Variants in BRAF observed in about 807,000 individuals in gnomAD.
The protein encoded by BRAF is B-Raf proto-oncogene, serine/threonine kinase.
A neutral mutation model predicts 104.6 loss-of-function variants in BRAF; 16 were observed. The observed-to-expected ratio is 0.15, with a 90% CI of 0.10 to 0.23. The LOEUF (loss-of-function observed/expected upper bound fraction) is 0.23, where lower values mean the gene tolerates loss of function less well. BRAF is among the 10% of genes least tolerant of loss of function. BRAF has a pLI of 1.00. For synonymous variants in BRAF, 310 were observed against 341.6 expected, an observed-to-expected ratio of 0.91 and a Z score of 1.02; for missense variants, 541 against 937.3, an observed-to-expected ratio of 0.58 and a Z score of 5.52.
intron 10 of BRAF, chr7:140,785,623 A>C: frequency 2.5e-6 from 1 of 398,172 alleles, no homozygotes; most frequent in Non-Finnish European, 4.4e-6. Flanking sequence ...GGTGAGGCAC[A>C]AACAGCATCT....
At chr7:140,913,761 C>T (rs1329072305) in intron 1 of BRAF, among the ~76,000 whole-genome samples, 1 of 152,006 alleles carries the variant, frequency 6.6e-6, no homozygotes, top group Non-Finnish European at 1.5e-5. Context: ...GGATTACAGG[C>T]GTGAGCCACT....
At chr7:140,861,017 C>A (rs1447147051) in intron 1 of BRAF, among the ~76,000 whole-genome samples, 1 of 152,134 alleles carries the variant, frequency 6.6e-6, no homozygotes, top group East Asian at 1.9e-4. Flanking sequence ...TATTTATCAA[C>A]ATGAATACAT....
At chr7:140,911,265 A>G (rs753558363) in intron 1 of BRAF, among the ~76,000 whole-genome samples, 21 of 152,230 alleles carry the variant, frequency 1.4e-4, no homozygotes, top group Admixed American at 1.0e-3. Flanking sequence ...TTATTTTTAA[A>G]TTAATTAAAA....
intron 14 of BRAF, among the ~76,000 whole-genome samples, chr7:140,774,466 T>A (rs1042181849): frequency 6.6e-6 from 1 of 152,214 alleles, no homozygotes; most frequent in Non-Finnish European, 1.5e-5. Flanking sequence ...CTTGTCTTAA[T>A]CCACCCACCT....
chr7:140,830,573 T>C (rs1806614917), intron 3 of BRAF, among the ~76,000 whole-genome samples: 1 of 152,166 alleles, frequency 6.6e-6, no homozygotes. Context: ...AAGGTGAGTT[T>C]TGGTGGGTTC....
chr7:140,851,871 C>G (rs2129074780), intron 1 of BRAF, among the ~76,000 whole-genome samples: 1 of 152,328 alleles, frequency 6.6e-6, no homozygotes, highest in Non-Finnish European at 1.5e-5. Context: ...ATTCCCTATA[C>G]TGCACTCCCT....
At chr7:140,714,540 G>A (rs1305010585), downstream of BRAF, among the ~76,000 whole-genome samples, 3 of 152,142 alleles carry the variant, frequency 2.0e-5, no homozygotes, top group African/African-American at 7.2e-5. Context: ...GCTAATGTGT[G>A]TGTGTGTTGA....
intron 17 of BRAF, among the ~76,000 whole-genome samples, chr7:140,744,833 C>G (rs1002141156): frequency 6.6e-6 from 1 of 152,090 alleles, no homozygotes; most frequent in Non-Finnish European, 1.5e-5. Context: ...TTATATGCTA[C>G]TTTCATCAGT....
chr7:140,843,100 ACT>A (rs1200447247), intron 2 of BRAF, among the ~76,000 whole-genome samples: 3 of 152,220 alleles, frequency 2.0e-5, no homozygotes, highest in Admixed American at 6.5e-5. Context: ...AAAACTGAAC[ACT>A]GGAAATTTTT....
chr7:140,906,553 T>G (rs1447692598), intron 1 of BRAF, among the ~76,000 whole-genome samples: 1 of 152,202 alleles, frequency 6.6e-6, no homozygotes, highest in Non-Finnish European at 1.5e-5. Context: ...CATCCACATA[T>G]TTGCCACTCT....
At chr7:140,780,954 G>C (rs1450550778) in intron 12 of BRAF, 2 of 143,298 alleles carry the variant, frequency 1.4e-5, no homozygotes, top group Non-Finnish European at 3.0e-5. Context: ...TTTTTTTTTT[G>C]AGACGGAGTC....
At chr7:140,824,457 A>C (rs1805794127) in intron 3 of BRAF, 1 of 152,140 alleles carries the variant, frequency 6.6e-6, no homozygotes. Flanking sequence ...TTTGACCATA[A>C]ATGTGAAGAT....
chr7:140,824,881 T>C (rs758217086), intron 3 of BRAF, among the ~76,000 whole-genome samples: 3 of 152,120 alleles, frequency 2.0e-5, no homozygotes, highest in Non-Finnish European at 4.4e-5. Flanking sequence ...TAATGACTAA[T>C]GTTGAGCGTC....
intron 1 of BRAF, among the ~76,000 whole-genome samples, chr7:140,882,621 A>T (rs1586530364): frequency 6.6e-6 from 1 of 151,894 alleles, no homozygotes; most frequent in African/African-American, 2.4e-5. Context: ...TAGGTGATCT[A>T]CCTGCCTCGG....
intron 3 of BRAF, among the ~76,000 whole-genome samples, chr7:140,832,015 C>T (rs921044537): frequency 6.6e-5 from 10 of 152,094 alleles, no homozygotes; most frequent in African/African-American, 2.4e-4. Context: ...TCTATTTTGG[C>T]TTATTTACGT....
chr7:140,714,106 T>C, the BRAF span, among the ~76,000 whole-genome samples: 2 of 152,130 alleles, frequency 1.3e-5, no homozygotes, highest in Non-Finnish European at 2.9e-5. Flanking sequence ...AGCTACATGC[T>C]GGGAGAACCA....
chr7:140,821,515 G>C (rs1383798206), intron 3 of BRAF, among the ~76,000 whole-genome samples: 1 of 151,568 alleles, frequency 6.6e-6, no homozygotes, highest in East Asian at 1.9e-4. Flanking sequence ...TGTTGGCCAG[G>C]CTGGTCTCGA....
chr7:140,874,532 TAAAA>T (rs71659759), intron 1 of BRAF, among the ~76,000 whole-genome samples: 36 of 80,912 alleles, frequency 4.4e-4, no homozygotes, highest in Admixed American at 8.4e-4. Context: ...AGAAAAAAAG[TAAAA>T]AAAAAAAAAA....
intron 1 of BRAF, among the ~76,000 whole-genome samples, chr7:140,896,510 C>T (rs1814917068): frequency 6.6e-6 from 1 of 152,062 alleles, no homozygotes; most frequent in South Asian, 2.1e-4. Flanking sequence ...GGGTGGATCA[C>T]CTGAGGTCAA....
Sources: gnomAD v4.1 joint callset for allele counts (sites outside exome capture counted in the v4.1 genomes callset) on GRCh38, gnomAD v4.1.1 for gene constraint, MANE v1.5 for transcripts, NCBI Gene and HGNC (gene_info 2026-07-23, HGNC 2026-07-21) for gene names.